SLC14A2: variants seen among roughly 807,000 people sequenced by gnomAD.
SLC14A2 encodes the protein solute carrier family 14 member 2.
SLC14A2 carries 91 observed loss-of-function variants against 104.6 expected under a neutral mutation model. The ratio of observed to expected loss-of-function variants is 0.87; its 90% CI spans 0.73 to 1.04. The LOEUF is 1.04. Among genes scored for constraint, SLC14A2 ranks in the 50% least tolerant of loss-of-function variants. The pLI, the probability that SLC14A2 is intolerant of heterozygous loss-of-function variation, is 0.00. For synonymous variants in SLC14A2, 476 were observed against 466.4 expected (o/e 1.02, Z -0.27); for missense variants, 1,189 against 1,156.0 (o/e 1.03, Z -0.41).
intron 1 of SLC14A2, among the ~76,000 whole-genome samples, chr18:45,254,884 GACTTCCCAA>G (rs1353051096): frequency 6.6e-6 from 1 of 152,072 alleles, no homozygotes; most frequent in African/African-American, 2.4e-5. Flanking sequence ...CAGAGGGAAG[GACTTCCCAA>G]CCCTTCCCTG....
chr18:45,328,093 G>A (rs1274217084), intron 1 of SLC14A2, among the ~76,000 whole-genome samples: 1 of 152,124 alleles, frequency 6.6e-6, no homozygotes. Flanking sequence ...AAAAAATGTT[G>A]TTCCATAAGG....
the SLC14A2 span, among the ~76,000 whole-genome samples, chr18:45,199,952 TC>T: frequency 3.3e-5 from 5 of 152,202 alleles, no homozygotes; most frequent in African/African-American, 1.2e-4. Context: ...CTGTGTCCGA[TC>T]AGGAGTCCAC....
intron 5 of SLC14A2, among the ~76,000 whole-genome samples, chr18:45,633,995 A>G (rs2045382140): frequency 6.6e-6 from 1 of 152,184 alleles, no homozygotes; most frequent in Non-Finnish European, 1.5e-5. Flanking sequence ...CATTTGGTTT[A>G]AAACTACATA....
chr18:45,337,959 C>T (rs1177764241), intron 1 of SLC14A2, among the ~76,000 whole-genome samples: 3 of 152,120 alleles, frequency 2.0e-5, no homozygotes, highest in South Asian at 2.1e-4. Flanking sequence ...CCAAAACAGA[C>T]ATTTGCCACT....
the SLC14A2 span, among the ~76,000 whole-genome samples, chr18:45,196,309 T>A: frequency 6.6e-6 from 1 of 152,234 alleles, no homozygotes; most frequent in Non-Finnish European, 1.5e-5. Flanking sequence ...GAGACTTTTT[T>A]TCATTCTCAT....
chr18:45,300,861 A>G (rs1484396065), intron 1 of SLC14A2, among the ~76,000 whole-genome samples: 1 of 152,166 alleles, frequency 6.6e-6, no homozygotes, highest in African/African-American at 2.4e-5. Flanking sequence ...ATGGGAACCT[A>G]TGCTCTGCAT....
In SLC14A2 at chr18:45,668,360, C is replaced by T; in HGVS notation, c.1919C>T (p.Ala640Val). 1 of 1,614,130 alleles carries T rather than the reference C, an allele frequency of 6.2e-7. No homozygotes were observed. Among genetic ancestry groups the T allele is most frequent in the Non-Finnish European group, 8.5e-7 (1 of 1,180,018 alleles). Residue 640 changes from alanine (A) to valine (V), a missense_variant, in exon 15 of 20, where the codon GCT becomes GTT. Ala to Val is a moderately conservative substitution (Grantham distance 64). Transcript: ENST00000255226. Reference sequence around the variant, plus strand: ...CCCTCTCCTGCCAGGTCGGCCATCGCTGCAGGATTTCACGGCTACAATGGG... The same window carrying T: ...CCCTCTCCTGCCAGGTCGGCCATCGTTGCAGGATTTCACGGCTACAATGGG... ...LILSQDKSAI[A>V]AGFHGYNGVL... is the part of the protein sequence containing the mutation.
At chr18:45,663,745 T>A in intron 10 of SLC14A2, 40 bp from the exon 11 acceptor site, 7 of 1,599,496 alleles carry the variant, frequency 4.4e-6, no homozygotes, top group Non-Finnish European at 6.0e-6. Context: ...AGGTGCGGAC[T>A]AGGTGGGACA....
intron 2 of SLC14A2, among the ~76,000 whole-genome samples, chr18:45,524,300 G>C (rs1463749202): frequency 6.6e-6 from 1 of 152,190 alleles, no homozygotes; most frequent in Non-Finnish European, 1.5e-5. Context: ...CAAGTGTCTG[G>C]CTACCCAATG....
At chr18:45,621,445 G>A (rs76321957) in intron 1 of SLC14A2, among the ~76,000 whole-genome samples, 1,917 of 152,334 alleles carry the variant, frequency 0.013, 35 homozygotes, top group African/African-American at 0.043. Flanking sequence ...GGTTCTGCCT[G>A]CAGAAAATGC....
intron 1 of SLC14A2, among the ~76,000 whole-genome samples, chr18:45,331,249 C>T (rs1365866790): frequency 6.6e-6 from 1 of 152,176 alleles, no homozygotes; most frequent in African/African-American, 2.4e-5. Context: ...AGCCAAGTCT[C>T]CTGTAATATC....
Position 45,666,968 on chromosome 18 carries a change from A to C in SLC14A2, c.1591A>C (p.Lys531Gln), listed in dbSNP as rs1346655859. Reference protein sequence around the residue: ...LDTMEESSEIKVETNISKTSW... With the variant: ...LDTMEESSEIQVETNISKTSW... ...CACCATGGAGGAGAGCTCTGAGATA[A>C]AAGTGGAAACAAACATTTCCAAGAC... The change falls in exon 13 of 20, where the codon AAA becomes CAA. Residue 531 changes from lysine to glutamine, a missense_variant. Physicochemically the swap from Lys to Gln is moderately conservative, Grantham distance 53 (BLOSUM62 1). Transcript: ENST00000255226. 1 of 1,614,034 alleles carries C rather than the reference A, an allele frequency of 6.2e-7. No individual in the cohort carries two copies. The highest frequency in any genetic ancestry group is 8.5e-7 in the Non-Finnish European group (1 of 1,180,002).
intron 1 of SLC14A2, among the ~76,000 whole-genome samples, chr18:45,236,278 T>C (rs1282681286): frequency 3.6e-5 from 2 of 55,266 alleles, no homozygotes; most frequent in African/African-American, 2.0e-4. Context: ...TGTATGTGTG[T>C]ATATGTGTAT....
At chr18:45,453,662 T>C (rs1208992526) in intron 1 of SLC14A2, among the ~76,000 whole-genome samples, 5 of 152,090 alleles carry the variant, frequency 3.3e-5, no homozygotes, top group Non-Finnish European at 5.9e-5. Context: ...TTTGTGATCC[T>C]GTGAACTTTG....
At chr18:45,520,292 C>T (rs1246092988) in intron 2 of SLC14A2, among the ~76,000 whole-genome samples, 4 of 152,128 alleles carry the variant, frequency 2.6e-5, no homozygotes, top group Non-Finnish European at 2.9e-5. Context: ...AAAGCCTCAA[C>T]TAAAATCTCA....
intron 10 of SLC14A2, among the ~76,000 whole-genome samples, chr18:45,659,826 T>C (rs2045905786): frequency 6.6e-6 from 1 of 151,996 alleles, no homozygotes; most frequent in Non-Finnish European, 1.5e-5. Flanking sequence ...ATTATACTAG[T>C]CAGAAATTAA....
intron 1 of SLC14A2, among the ~76,000 whole-genome samples, chr18:45,468,049 C>T (rs1196203738): frequency 6.6e-6 from 1 of 152,166 alleles, no homozygotes; most frequent in African/African-American, 2.4e-5. Flanking sequence ...ACCACCCCCA[C>T]CTCCCAGCAG....
intron 2 of SLC14A2, among the ~76,000 whole-genome samples, chr18:45,538,227 C>T (rs2043824889): frequency 6.6e-6 from 1 of 152,212 alleles, no homozygotes; most frequent in South Asian, 2.1e-4. Context: ...CAGGCAGCCT[C>T]ATTGATCCCA....
intron 1 of SLC14A2, among the ~76,000 whole-genome samples, chr18:45,264,994 G>T (rs890078148): frequency 6.6e-6 from 1 of 152,126 alleles, no homozygotes; most frequent in African/African-American, 2.4e-5. Context: ...ATCCAGAAAA[G>T]GATGGTTAAG....
Sources: allele counts gnomAD v4.1 joint callset (sites outside exome capture counted in the v4.1 genomes callset), GRCh38; gene constraint gnomAD v4.1.1; transcripts MANE v1.5; gene names NCBI Gene and HGNC (gene_info 2026-07-23, HGNC 2026-07-21).